Variants in NCAPD2 observed in about 807,000 individuals in gnomAD.
The protein encoded by NCAPD2 is condensin complex subunit 1.
In NCAPD2, 100 loss-of-function variants were observed where a neutral mutation model predicts 164.5. The observed-to-expected ratio is 0.61, with a 90% CI of 0.52 to 0.72. NCAPD2 has a LOEUF of 0.72. NCAPD2 is among the 30% of genes least tolerant of loss of function. The probability of loss-of-function intolerance (pLI) is 0.00; values close to 1 mark genes in which losing one functional copy is unlikely to be tolerated. For missense variants in NCAPD2, 1,560 were observed against 1,749.2 expected (o/e 0.89, Z 1.93); for synonymous variants, 585 against 642.6 (o/e 0.91, Z 1.36).
intron 2 of NCAPD2, among the ~76,000 whole-genome samples, chr12:6,505,441 C>G (rs1255074592): frequency 6.6e-6 from 1 of 152,186 alleles, no homozygotes; most frequent in Admixed American, 6.6e-5. Context: ...TAAGCAGATA[C>G]TTGCAACATT....
Position 6,511,102 on chromosome 12 carries a change from C to CT in NCAPD2, c.445-3dup, listed in dbSNP as rs1248410227. The CT allele has an allele frequency of 6.2e-7, 1 of 1,612,940 alleles. No homozygotes were observed. Among genetic ancestry groups the CT allele is most frequent in the Non-Finnish European group, 8.5e-7 (1 of 1,179,706 alleles). On this transcript the variant is annotated splice_polypyrimidine_tract_variant and splice_region_variant and intron_variant, in intron 5 of 31. Transcript: ENST00000315579. ...TTTTTTCCTCAATGTATACATGATCCTTTTTAGGGTAAGAAAGCTCGGACC... is the reference window on the plus strand; with the variant it reads ...TTTTTTCCTCAATGTATACATGATCCTTTTTTAGGGTAAGAAAGCTCGGACC...
chr12:6,518,504 G>GTTTTTGTTGTT (rs746627585), intron 13 of NCAPD2, among the ~76,000 whole-genome samples: 1 of 44,774 alleles, frequency 2.2e-5, no homozygotes. Flanking sequence ...CCGTCAACAA[G>GTTTTTGTTGTT]TTTTTTTTTT....
At position 6,531,411 on chromosome 12, in the gene NCAPD2, A is replaced by T; in HGVS notation, c.4205A>T (p.Ter1402LeuextTer15). ...GCATCGGCTCGCAGGCACAGATCCTAGGAAGTCTGTTCCTGTCCTCCCTGT... is the reference window on the plus strand; with the variant it reads ...GCATCGGCTCGCAGGCACAGATCCTTGGAAGTCTGTTCCTGTCCTCCCTGT... The part of the protein sequence containing the change: ...LRASARRHRS[*>L] The change falls in exon 32 of 32, where the codon TAG (stop) becomes TTG (leucine). Residue 1402 changes from the stop codon to leucine (L), a stop_lost. Coordinates refer to ENST00000315579, the MANE Select transcript of NCAPD2 (RefSeq NM_014865.4). The surrounding 1 kb of genome is among the most constrained non-coding windows in gnomAD (Gnocchi z 4.1). The T allele has an allele frequency of 6.2e-7, 1 of 1,613,348 alleles. No individual in the cohort carries two copies. The highest frequency in any genetic ancestry group is 8.5e-7 in the Non-Finnish European group (1 of 1,179,728).
intron 4 of NCAPD2, 183 bp from the exon 5 acceptor site, chr12:6,510,446 T>C: frequency 1.2e-6 from 1 of 806,572 alleles, no homozygotes; most frequent in Non-Finnish European, 2.2e-6. Context: ...AGTGAGAGAG[T>C]AGGAACAGGG....
At chr12:6,497,342 G>A (rs1945993688) in intron 2 of NCAPD2, among the ~76,000 whole-genome samples, 1 of 150,518 alleles carries the variant, frequency 6.6e-6, no homozygotes, top group South Asian at 2.1e-4. Flanking sequence ...GGATGTGCAA[G>A]TTTGTTACAT....
Position 6,517,934 on chromosome 12 carries a change from C to A in NCAPD2, c.1564C>A (p.Gln522Lys). The A allele has an allele frequency of 6.2e-7, 1 of 1,613,908 alleles. No homozygotes were observed. Among genetic ancestry groups the A allele is most frequent in the South Asian group, 1.1e-5 (1 of 91,046 alleles). The change falls in exon 13 of 32, where the codon CAA becomes AAA. Residue 522 changes from glutamine (Q) to lysine (K), a missense_variant. By Grantham distance (53) the Gln-to-Lys change is moderately conservative. Coordinates refer to ENST00000315579, the MANE Select transcript of NCAPD2 (RefSeq NM_014865.4). The part of the protein sequence containing the change: ...TTEDVKGRIY[Q>K]LLAKASYKKA... ...TGAAGATGTGAAAGGACGCATCTAT[C>A]AACTGCTTGCCAAAGCTAGTTACAA...
In NCAPD2 at chr12:6,520,918, A is replaced by C. The variant is rs184319683; in HGVS notation, c.1590-68A>C. On this transcript the variant is annotated intron_variant, in intron 13 of 31. Transcript: ENST00000315579. Reference sequence around the variant, plus strand: ...GGTCCAGGGACTTGATAGAATCATGAGGTAAGCTCCCTTACAAACGGCTGC... The same window carrying C: ...GGTCCAGGGACTTGATAGAATCATGCGGTAAGCTCCCTTACAAACGGCTGC... 32 of 1,600,106 alleles carry C rather than the reference A, an allele frequency of 2.0e-5. No homozygotes were observed. In the East Asian group the frequency reaches 7.1e-4, roughly 36 times the overall value.
rs1377178791 is a variant in NCAPD2 at position 6,517,932 on chromosome 12, A to G, written c.1562A>G (p.Tyr521Cys). Residue 521 changes from tyrosine to cysteine, a missense_variant, in exon 13 of 32, where the codon TAT becomes TGT. Physicochemically the swap from Tyr to Cys is radical, Grantham distance 194. Coordinates refer to ENST00000315579, the MANE Select transcript of NCAPD2 (RefSeq NM_014865.4). ...ACTGAAGATGTGAAAGGACGCATCT[A>G]TCAACTGCTTGCCAAAGCTAGTTAC... is the stretch of plus-strand genomic sequence containing the variant. ...ETTEDVKGRI[Y>C]QLLAKASYKK... 6 of 1,613,894 alleles carry G rather than the reference A, an allele frequency of 3.7e-6. No homozygotes were observed. Among genetic ancestry groups the G allele is most frequent in the South Asian group, 2.2e-5 (2 of 91,074 alleles).
chr12:6,499,254 C>A (rs548545208), intron 2 of NCAPD2, among the ~76,000 whole-genome samples: 1 of 152,020 alleles, frequency 6.6e-6, no homozygotes, highest in East Asian at 1.9e-4. Flanking sequence ...CTTTGTTGAC[C>A]AGGCTGGAGT....
In NCAPD2 at chr12:6,518,509, T is replaced by TGTTTTTTTTTG. The variant is rs1555139592; in HGVS notation, c.1589+550_1589+551insGTTTTTTTTTG. Among the ~76,000 whole-genome samples the TGTTTTTTTTTG allele has an allele frequency of 1.7e-4, 16 of 95,638 alleles. 2 individuals are homozygous for TGTTTTTTTTTG. Among genetic ancestry groups the TGTTTTTTTTTG allele is most frequent in the Non-Finnish European group, 3.0e-4 (15 of 49,356 alleles). The allele number at this position is 95,638 out of a possible 152,430, so 62.7% of individuals were successfully genotyped here. ...GCCCTTACAGCCGTCAACAAGTTTTTTTTTTTTTTTTTTTTTTTTTTTTTT... is the reference window on the plus strand; with the variant it reads ...GCCCTTACAGCCGTCAACAAGTTTTTGTTTTTTTTTGTTTTTTTTTTTTTTTTTTTTTTTTT... On this transcript the variant is annotated intron_variant, in intron 13 of 31. Coordinates refer to ENST00000315579, the MANE Select transcript of NCAPD2 (RefSeq NM_014865.4).
chr12:6,520,128 C>G (rs1258326339), intron 13 of NCAPD2, among the ~76,000 whole-genome samples: 1 of 151,006 alleles, frequency 6.6e-6, no homozygotes, highest in African/African-American at 2.4e-5. Flanking sequence ...TTATAGTGAG[C>G]CAAGATCATG....
intron 13 of NCAPD2, among the ~76,000 whole-genome samples, chr12:6,518,489 T>C (rs1293880234): frequency 1.4e-5 from 2 of 139,414 alleles, no homozygotes; most frequent in Non-Finnish European, 3.1e-5. Context: ...CAAAAGCCCT[T>C]ACAGCCGTCA....
chr12:6,510,971 C>A, intron 5 of NCAPD2, 139 bp from the exon 6 acceptor site: 2 of 1,263,164 alleles, frequency 1.6e-6, no homozygotes, highest in Non-Finnish European at 2.2e-6. Context: ...GGACAAGTAG[C>A]GCTGTGGAAC....
chr12:6,530,885 C>A, intron 30 of NCAPD2, 36 bp from the exon 31 acceptor site: 1 of 1,613,106 alleles, frequency 6.2e-7, no homozygotes, highest in African/African-American at 1.3e-5. Context: ...TTTGTTTCTT[C>A]TTCTTTTTTA....
At chr12:6,505,138 T>A (rs1946087311) in intron 2 of NCAPD2, among the ~76,000 whole-genome samples, 1 of 152,222 alleles carries the variant, frequency 6.6e-6, no homozygotes, top group South Asian at 2.1e-4. Context: ...TGATCTCGAC[T>A]CACTGGAACC....
In NCAPD2 at chr12:6,526,473, G is replaced by C. The variant is rs753674713; in HGVS notation, c.2592G>C (p.Trp864Cys). ...TKGFVHPDPLWIPFKEVAVTL... is the reference protein window; with the variant it reads ...TKGFVHPDPLCIPFKEVAVTL... ...GCTTTGTCCACCCAGACCCACTCTG[G>C]ATCCCATTCAAAGAGGTGGCAGTGA... is the stretch of plus-strand genomic sequence containing the variant. Residue 864 changes from tryptophan to cysteine, a missense_variant, in exon 21 of 32, where the codon TGG becomes TGC. Coordinates refer to ENST00000315579, the MANE Select transcript of NCAPD2 (RefSeq NM_014865.4). 2 of 1,613,978 alleles carry C rather than the reference G, an allele frequency of 1.2e-6. No homozygotes were observed. Among genetic ancestry groups the C allele is most frequent in the Non-Finnish European group, 1.7e-6 (2 of 1,180,036 alleles).
intron 2 of NCAPD2, among the ~76,000 whole-genome samples, chr12:6,502,320 T>A (rs185876408): frequency 5.3e-5 from 8 of 152,248 alleles, no homozygotes; most frequent in Admixed American, 3.9e-4. Context: ...GTTTCCTCAA[T>A]AGGAAGGGAA....
chr12:6,530,866 C>T lies in NCAPD2; in HGVS notation c.3964+49C>T, dbSNP rs538496914. 4 of 1,613,566 alleles carry T rather than the reference C, an allele frequency of 2.5e-6. No individual in the cohort carries two copies. The East Asian group carries it at 6.7e-5, about 27-fold the overall frequency. On this transcript the variant is annotated intron_variant, in intron 30 of 31. Coordinates refer to ENST00000315579, the MANE Select transcript of NCAPD2 (RefSeq NM_014865.4). ...CGAGACCAGACTGGGCCCTCCCCTC[C>T]TGCAGTGATTTGTTTCTTCTTCTTT...
chr12:6,501,673 G>A (rs1946038686), intron 2 of NCAPD2, among the ~76,000 whole-genome samples: 1 of 152,160 alleles, frequency 6.6e-6, no homozygotes, highest in African/African-American at 2.4e-5. Flanking sequence ...TTAAAGCCAT[G>A]AGATTGCAGT....
Sources: gnomAD v4.1 joint callset for allele counts (sites outside exome capture counted in the v4.1 genomes callset) on GRCh38, gnomAD v4.1.1 for gene constraint, Gnocchi (gnomAD v3.1) non-coding constraint, MANE v1.5 for transcripts, NCBI Gene and HGNC (gene_info 2026-07-23, HGNC 2026-07-21) for gene names.